The following SRPK2 variants were observed in gnomAD, a reference collection of about 807,000 sequenced individuals.
SRPK2 encodes SRSF protein kinase 2.
A neutral mutation model predicts 90.8 loss-of-function variants in SRPK2; 21 were observed. The observed-to-expected ratio is 0.23, with a 90% CI of 0.16 to 0.33. The LOEUF (loss-of-function observed/expected upper bound fraction) is 0.33, where lower values mean the gene tolerates loss of function less well. Ranked by LOEUF, SRPK2 falls within the 10% of genes least tolerant of loss-of-function variation. The pLI, the probability that SRPK2 is intolerant of heterozygous loss-of-function variation, is 1.00. For synonymous variants in SRPK2, 288 were observed against 311.1 expected (o/e 0.93, Z 0.78); for missense variants, 620 against 869.0 (o/e 0.71, Z 3.60).
intron 2 of SRPK2, among the ~76,000 whole-genome samples, chr7:105,321,219 C>T (rs137886512): frequency 2.0e-4 from 31 of 152,094 alleles, no homozygotes; most frequent in South Asian, 2.1e-4. Flanking sequence ...CCACTCAATG[C>T]GGAAAGAACA....
At chr7:105,250,845 G>A (rs1585362071) in intron 2 of SRPK2, among the ~76,000 whole-genome samples, 1 of 152,092 alleles carries the variant, frequency 6.6e-6, no homozygotes, top group Non-Finnish European at 1.5e-5. Context: ...ATGATAATCA[G>A]CTCCATTTTT....
rs146654887 is a variant in SRPK2, at chr7:105,208,246, G to A, written c.72-4461C>T. Among the ~76,000 whole-genome samples, 48 of 152,218 alleles carry A rather than the reference G, an allele frequency of 3.2e-4. No homozygotes were observed. In the East Asian group the frequency reaches 9.3e-3, roughly 29 times the overall value. On this transcript the variant is annotated intron_variant, in intron 2 of 15. Transcript: ENST00000393651. ...AAAACGGTCTGGCAGTTCCTCAAAA[G>A]TTTAAACATAAAATTACCAAATAAC...
chr7:105,385,549 G>C (rs902818001), intron 2 of SRPK2, among the ~76,000 whole-genome samples: 11 of 152,100 alleles, frequency 7.2e-5, no homozygotes, highest in African/African-American at 2.7e-4. Flanking sequence ...TACGAGGGTA[G>C]ACACGCTCTG....
At chr7:105,236,943 G>A (rs1274096741) in intron 2 of SRPK2, among the ~76,000 whole-genome samples, 1 of 152,262 alleles carries the variant, frequency 6.6e-6, no homozygotes, top group Non-Finnish European at 1.5e-5. Context: ...GATGCAGAAT[G>A]TGACATAACA....
intron 11 of SRPK2, among the ~76,000 whole-genome samples, chr7:105,134,496 C>T (rs1270972187): frequency 5.3e-5 from 8 of 152,188 alleles, no homozygotes; most frequent in African/African-American, 7.2e-5. Flanking sequence ...ACCGGGTTTC[C>T]GGTATTTTTT....
chr7:105,373,398 C>A (rs201843898), intron 2 of SRPK2, among the ~76,000 whole-genome samples: 3 of 135,812 alleles, frequency 2.2e-5, no homozygotes, highest in Non-Finnish European at 3.2e-5. Flanking sequence ...AATTTTTTTT[C>A]TTTTCCTTTT....
At chr7:105,292,402 G>A (rs1809156788) in intron 2 of SRPK2, among the ~76,000 whole-genome samples, 1 of 149,740 alleles carries the variant, frequency 6.7e-6, no homozygotes, top group South Asian at 2.1e-4. Context: ...CAGCTACTCA[G>A]GAGGCTGAGG....
intron 1 of SRPK2, among the ~76,000 whole-genome samples, chr7:105,398,762 T>G (rs543469444): frequency 5.4e-4 from 83 of 152,310 alleles, no homozygotes; most frequent in Non-Finnish European, 1.2e-3. Context: ...CATAATAGTG[T>G]AACATAGAAG....
intron 3 of SRPK2, among the ~76,000 whole-genome samples, chr7:105,194,516 C>T (rs1243447889): frequency 1.3e-5 from 2 of 152,138 alleles, no homozygotes; most frequent in Admixed American, 6.5e-5. Flanking sequence ...TTACAGGCCA[C>T]GTGGTTGGTG....
chr7:105,148,251 G>A (rs886284272), intron 7 of SRPK2, among the ~76,000 whole-genome samples: 3 of 152,154 alleles, frequency 2.0e-5, no homozygotes, highest in African/African-American at 7.2e-5. Flanking sequence ...GGCTAATGAT[G>A]TCCATACATT....
intron 2 of SRPK2, among the ~76,000 whole-genome samples, chr7:105,296,887 TG>T (rs898459651): frequency 2.3e-4 from 35 of 152,324 alleles, no homozygotes; most frequent in Admixed American, 1.7e-3. Context: ...TTAAATAGCT[TG>T]GCCCAAGGTC....
chr7:105,385,883 CTAT>C (rs1320535552), intron 2 of SRPK2, among the ~76,000 whole-genome samples: 2 of 152,204 alleles, frequency 1.3e-5, no homozygotes, highest in Admixed American at 6.5e-5. Context: ...CAAATGTCAT[CTAT>C]TATTATTACT....
intron 13 of SRPK2, among the ~76,000 whole-genome samples, chr7:105,132,329 C>A (rs927468671): frequency 2.6e-5 from 4 of 152,240 alleles, no homozygotes; most frequent in Admixed American, 1.3e-4. Context: ...AGGTGAGGAA[C>A]CCTGCATGTC....
At chr7:105,128,331 G>C (rs1012244391) in intron 13 of SRPK2, among the ~76,000 whole-genome samples, 3 of 152,192 alleles carry the variant, frequency 2.0e-5, no homozygotes, top group African/African-American at 7.2e-5. Flanking sequence ...ATCTCAGCAT[G>C]GTGAGCTGGT....
At position 105,245,074 on chromosome 7, in the gene SRPK2, C is replaced by CACACACACACACACA. The variant is rs755213202; in HGVS notation, c.72-41290_72-41289insTGTGTGTGTGTGTGT. 237 of 609,166 alleles carry CACACACACACACACA rather than the reference C, an allele frequency of 3.9e-4. 1 individual carries two copies. The highest frequency in any genetic ancestry group is 1.4e-3 in the South Asian group (79 of 55,598). The allele number at this position is 609,166 out of a possible 1,614,324, so 37.7% of individuals were successfully genotyped here. On this transcript the variant is annotated intron_variant, in intron 2 of 15. Coordinates refer to ENST00000393651, the MANE Select transcript of SRPK2 (RefSeq NM_182692.3). ...ACACACACACACACACACACACACA[C>CACACACACACACACA]CTCTTTTTCTTAGTATTTCCTAACC... is the stretch of plus-strand genomic sequence containing the variant.
chr7:105,373,066 G>A (rs1819877147), intron 2 of SRPK2, among the ~76,000 whole-genome samples: 2 of 152,140 alleles, frequency 1.3e-5, no homozygotes, highest in Admixed American at 1.3e-4. Context: ...TCTAGCCTCA[G>A]CGACAAGAGT....
chr7:105,254,665 GT>G (rs145583576), intron 2 of SRPK2, among the ~76,000 whole-genome samples: 9,251 of 148,998 alleles, frequency 0.062, 807 homozygotes, highest in African/African-American at 0.19. Flanking sequence ...ACATCTGCTT[GT>G]TTTTTTTTTG....
intron 2 of SRPK2, among the ~76,000 whole-genome samples, chr7:105,370,616 C>CT (rs199888481): frequency 0.43 from 55,680 of 129,964 alleles, 13,585 homozygotes; most frequent in Non-Finnish European, 0.54. Flanking sequence ...TTTTTTCTTT[C>CT]TTTTTTTTTT....
chr7:105,274,988 A>G (rs1230405100), intron 2 of SRPK2, among the ~76,000 whole-genome samples: 5 of 152,030 alleles, frequency 3.3e-5, no homozygotes, highest in African/African-American at 2.4e-5. Flanking sequence ...CCCAGGTTCA[A>G]GCATTTCTCC....
Sources: allele counts gnomAD v4.1 joint callset (sites outside exome capture counted in the v4.1 genomes callset), GRCh38; gene constraint gnomAD v4.1.1; transcripts MANE v1.5; gene names NCBI Gene and HGNC (gene_info 2026-07-23, HGNC 2026-07-21).